The following NWD1 variants were observed in gnomAD, a reference collection of about 807,000 sequenced individuals.
NWD1 encodes the protein NACHT domain- and WD repeat-containing protein 1.
In NWD1, 129 loss-of-function variants were observed where a neutral mutation model predicts 135.1. The ratio of observed to expected loss-of-function variants is 0.96; its 90% CI spans 0.83 to 1.11. NWD1 has a LOEUF of 1.11. Ranked by LOEUF, NWD1 falls within the 50% of genes least tolerant of loss-of-function variation. The pLI is 0.00. For missense variants in NWD1, 1,740 were observed against 1,851.3 expected, an observed-to-expected ratio of 0.94 and a Z score of 1.10; for synonymous variants, 773 against 786.0, an observed-to-expected ratio of 0.98 and a Z score of 0.28.
Position 16,750,403 on chromosome 19 carries a change from G to A in NWD1, c.1761G>A (p.Val587=), listed in dbSNP as rs147243582. ...TGGCCCACGTGCTGGGCTACATTGTGTCTTCCCGGTAAGTCTCTGTGTTTT... is the reference window on the plus strand; with the variant it reads ...TGGCCCACGTGCTGGGCTACATTGTATCTTCCCGGTAAGTCTCTGTGTTTT... The part of the protein sequence containing the change: ...LLVAHVLGYI[V]SSRHGLSEAE... The change falls in exon 6 of 19, where the codon GTG becomes GTA. Residue 587 remains valine (V), a synonymous_variant. Transcript: ENST00000524140. 10 of 1,555,942 alleles carry A rather than the reference G, an allele frequency of 6.4e-6. No individual in the cohort carries two copies. The highest frequency in any genetic ancestry group is 2.8e-5 in the African/African-American group (2 of 72,302).
intron 18 of NWD1, among the ~76,000 whole-genome samples, chr19:16,814,366 C>T (rs1461342681): frequency 6.6e-6 from 1 of 152,142 alleles, no homozygotes; most frequent in Non-Finnish European, 1.5e-5. Flanking sequence ...CTTACACTGT[C>T]TCCTATAGAA....
intron 10 of NWD1, among the ~76,000 whole-genome samples, chr19:16,771,696 G>T (rs1355882463): frequency 7.2e-5 from 11 of 152,146 alleles, no homozygotes; most frequent in Non-Finnish European, 5.9e-5. Flanking sequence ...CCCAGCACAA[G>T]GAGGAGGTGT....
chr19:16,751,432 A>AAAGG (rs201853862), intron 6 of NWD1, among the ~76,000 whole-genome samples: 1 of 151,390 alleles, frequency 6.6e-6, no homozygotes, highest in Non-Finnish European at 1.5e-5. Flanking sequence ...TGAAAGAAGG[A>AAAGG]AAGGAAGGAA....
At position 16,761,974 on chromosome 19, in the gene NWD1, T is replaced by G; in HGVS notation, c.1974-5T>G. On this transcript the variant is annotated splice_polypyrimidine_tract_variant and splice_region_variant and intron_variant, in intron 7 of 18. Coordinates refer to ENST00000524140, the MANE Select transcript of NWD1 (RefSeq NM_001007525.5). The stretch of plus-strand genomic sequence containing the variant: ...GGTCTATCAGTCTGTATACCCTCTC[T>G]GTAGACAGCTGGTCGAGGTGGTCCG... 6.2e-7 allele frequency: 1 copy of G among 1,613,312 alleles called. No individual in the cohort carries two copies.
chr19:16,756,396 G>C (rs1009548394), intron 6 of NWD1, among the ~76,000 whole-genome samples: 4 of 152,154 alleles, frequency 2.6e-5, no homozygotes, highest in African/African-American at 9.7e-5. Context: ...AAGGGGACTT[G>C]GTCTTGCTGT....
At chr19:16,805,212 C>A (rs940253066) in intron 17 of NWD1, among the ~76,000 whole-genome samples, 6 of 151,924 alleles carry the variant, frequency 3.9e-5, no homozygotes, top group South Asian at 2.1e-4. Flanking sequence ...GTGTGCAGCA[C>A]AATGCCTGGC....
At chr19:16,802,516 C>T (rs1002388543) in intron 17 of NWD1, among the ~76,000 whole-genome samples, 2 of 150,628 alleles carry the variant, frequency 1.3e-5, no homozygotes, top group African/African-American at 4.9e-5. Context: ...CTCTTGCTTC[C>T]TCTGGCCGTA....
intron 18 of NWD1, among the ~76,000 whole-genome samples, chr19:16,814,134 T>C (rs1350587128): frequency 1.3e-5 from 2 of 152,140 alleles, no homozygotes; most frequent in African/African-American, 4.8e-5. Context: ...CACTCCAGCC[T>C]GGGCAACAGA....
chr19:16,737,158 G>C (rs919284190), intron 4 of NWD1, among the ~76,000 whole-genome samples: 1 of 152,000 alleles, frequency 6.6e-6, no homozygotes, highest in African/African-American at 2.4e-5. Flanking sequence ...TCAGGTCGTG[G>C]GGACTTCTCC....
Position 16,815,163 on chromosome 19 carries a change from C to G in NWD1, c.*124C>G, listed in dbSNP as rs79307399. The G allele has an allele frequency of 6.1e-6, 6 of 988,916 alleles. No individual in the cohort carries two copies. The African/African-American group carries it at 8.0e-5, about 13-fold the overall frequency. 61.3% of individuals were successfully genotyped at this position (988,916 alleles called of 1,614,324 possible). ...CAGTGCCTTTCAGCAAAAGCCTCAC[C>G]GCAGGACCCTCTTAAGAACTTCAAG... On this transcript the variant is annotated 3_prime_UTR_variant, in exon 19 of 19. Transcript: ENST00000524140.
Position 16,799,940 on chromosome 19 carries a change from G to C in NWD1, c.3514G>C (p.Ala1172Pro). 2 of 1,613,962 alleles carry C rather than the reference G, an allele frequency of 1.2e-6. No homozygotes were observed. Among genetic ancestry groups the C allele is most frequent in the Non-Finnish European group, 1.7e-6 (2 of 1,179,908 alleles). The change falls in exon 17 of 19, where the codon GCC becomes CCC. Residue 1172 changes from alanine to proline, a missense_variant. Coordinates refer to ENST00000524140, the MANE Select transcript of NWD1 (RefSeq NM_001007525.5). ...TCTGGACATCCTGGAAGGCGTCGGG[G>C]CCCCCGTGAGCCTGCTGGCCCGCGG... ...TLLDILEGVG[A>P]PVSLLARGGA...
chr19:16,759,459 G>A (rs762103487), intron 7 of NWD1, 31 bp downstream of exon 7: 3 of 1,496,278 alleles, frequency 2.0e-6, no homozygotes, highest in South Asian at 1.2e-5. Context: ...CAGCGACACT[G>A]TCTGGGTGGG....
chr19:16,745,187 T>A (rs1191789993), intron 5 of NWD1: 1 of 399,226 alleles, frequency 2.5e-6, no homozygotes, highest in Non-Finnish European at 5.0e-6. Context: ...GGAAATTCCT[T>A]ATAAAACCAT....
Position 16,763,939 on chromosome 19 carries a change from G to A in NWD1, c.2245G>A (p.Val749Ile), listed in dbSNP as rs1969117127. The change falls in exon 9 of 19, where the codon GTT becomes ATT. Residue 749 changes from valine to isoleucine, a missense_variant. Coordinates refer to ENST00000524140, the MANE Select transcript of NWD1 (RefSeq NM_001007525.5). ...SGRLEELKQE[V>I]LGSMSWISCR... ...CCGCCTGGAGGAGCTGAAACAGGAG[G>A]TTCTGGGTAAGGGCTGCCCCCCATC... 6.2e-7 allele frequency: 1 copy of A among 1,603,058 alleles called. No homozygotes were observed. The highest frequency in any genetic ancestry group is 1.1e-5 in the South Asian group (1 of 90,848).
chr19:16,809,413 A>G (rs1470102947), intron 18 of NWD1, among the ~76,000 whole-genome samples: 4 of 152,074 alleles, frequency 2.6e-5, no homozygotes, highest in Non-Finnish European at 1.5e-5. Context: ...AAAAATCTAA[A>G]ATGAATACCA....
chr19:16,793,573 G>T (rs1046737149), intron 14 of NWD1, among the ~76,000 whole-genome samples: 9 of 95,642 alleles, frequency 9.4e-5, no homozygotes, highest in African/African-American at 2.7e-4. Context: ...TTGTTTTTTG[G>T]TTTTTGGTTG....
At chr19:16,798,248 C>A (rs1970485620) in intron 16 of NWD1, among the ~76,000 whole-genome samples, 1 of 152,082 alleles carries the variant, frequency 6.6e-6, no homozygotes, top group African/African-American at 2.4e-5. Flanking sequence ...GTGTTTTAGT[C>A]TCAGGCCTCT....
chr19:16,733,392 G>A (rs763600229), intron 3 of NWD1, among the ~76,000 whole-genome samples: 1 of 151,362 alleles, frequency 6.6e-6, no homozygotes, highest in Admixed American at 6.6e-5. Context: ...GTGGTGACAC[G>A]CACCTGTAAT....
intron 18 of NWD1, among the ~76,000 whole-genome samples, chr19:16,809,200 C>T (rs565695830): frequency 4.4e-4 from 67 of 151,852 alleles, no homozygotes; most frequent in African/African-American, 1.5e-3. Context: ...TCTCCCGCCT[C>T]GGCCTCCCAA....
Sources: allele counts gnomAD v4.1 joint callset (sites outside exome capture counted in the v4.1 genomes callset), GRCh38; gene constraint gnomAD v4.1.1; transcripts MANE v1.5; gene names NCBI Gene and HGNC (gene_info 2026-07-23, HGNC 2026-07-21).